PARD3B: variants seen among roughly 807,000 people sequenced by gnomAD.
The protein encoded by PARD3B is par-3 family cell polarity regulator beta, also known as partitioning defective 3 homolog B.
In PARD3B, 103 loss-of-function variants were observed where a neutral mutation model predicts 130.2. The ratio of observed to expected loss-of-function variants is 0.79; its 90% confidence interval spans 0.67 to 0.93. PARD3B has a LOEUF of 0.93. PARD3B is among the 40% of genes least tolerant of loss of function. The pLI is 0.00. For missense variants in PARD3B, 1,609 were observed against 1,499.2 expected (o/e 1.07, Z -1.21); for synonymous variants, 583 against 553.2 (o/e 1.05, Z -0.76).
Position 205,493,461 on chromosome 2 carries a change from T to C in PARD3B, c.3045-6435T>C, listed in dbSNP as rs990285681. ...TTGAAATTCCACCCTTTTGTGAGTA[T>C]ACAAAAATTAACACCATACTTACAT... On this transcript the variant is annotated intron_variant, in intron 20 of 22. Coordinates refer to ENST00000406610, the MANE Select transcript of PARD3B (RefSeq NM_001302769.2). Among the ~76,000 whole-genome samples the C allele has an allele frequency of 5.9e-5, 9 of 152,206 alleles. No homozygotes were observed. In the East Asian group the frequency reaches 7.7e-4, roughly 13 times the overall value.
chr2:205,339,198 C>G (rs186205871), intron 18 of PARD3B, among the ~76,000 whole-genome samples: 1 of 151,698 alleles, frequency 6.6e-6, no homozygotes, highest in East Asian at 1.9e-4. Context: ...TATCTTAAGT[C>G]AAATATTAGT....
intron 18 of PARD3B, among the ~76,000 whole-genome samples, chr2:205,308,768 G>C (rs1168059203): frequency 6.6e-6 from 1 of 152,144 alleles, no homozygotes. Flanking sequence ...GGGAATCAAT[G>C]GTCAATTTAC....
chr2:204,877,945 C>G (rs74475300), intron 2 of PARD3B, among the ~76,000 whole-genome samples: 3,104 of 152,210 alleles, frequency 0.02, 72 homozygotes, highest in East Asian at 0.11. Context: ...CAGACTGAAC[C>G]TATTAAATTA....
At chr2:204,564,606 T>C (rs1296467840) in intron 1 of PARD3B, among the ~76,000 whole-genome samples, 1 of 152,194 alleles carries the variant, frequency 6.6e-6, no homozygotes, top group African/African-American at 2.4e-5. Context: ...AAATACTTAT[T>C]TTTAGGAAAA....
intron 20 of PARD3B, among the ~76,000 whole-genome samples, chr2:205,456,800 G>A (rs536998547): frequency 6.8e-6 from 1 of 147,780 alleles, no homozygotes; most frequent in African/African-American, 2.5e-5. Flanking sequence ...GTCATAGTAT[G>A]TAACTATTTT....
intron 1 of PARD3B, among the ~76,000 whole-genome samples, chr2:204,587,686 C>G (rs764114996): frequency 1.4e-4 from 21 of 152,130 alleles, no homozygotes; most frequent in Non-Finnish European, 2.5e-4. Flanking sequence ...TCTGTACCAT[C>G]TTGATTGGTT....
intron 10 of PARD3B, among the ~76,000 whole-genome samples, chr2:205,133,486 C>A (rs1212884625): frequency 6.6e-6 from 1 of 152,072 alleles, no homozygotes; most frequent in Non-Finnish European, 1.5e-5. Context: ...TTGTAACAAG[C>A]CTTCCAGATA....
At chr2:205,595,401 C>G (rs1245720379) in intron 22 of PARD3B, among the ~76,000 whole-genome samples, 1 of 152,286 alleles carries the variant, frequency 6.6e-6, no homozygotes, top group Admixed American at 6.5e-5. Flanking sequence ...TGGGTAATGG[C>G]TCTTTAGTTT....
At chr2:204,869,740 A>G (rs2045562825) in intron 2 of PARD3B, among the ~76,000 whole-genome samples, 1 of 152,116 alleles carries the variant, frequency 6.6e-6, no homozygotes, top group African/African-American at 2.4e-5. Flanking sequence ...AAGAATACTG[A>G]AAACAGGAAA....
intron 20 of PARD3B, among the ~76,000 whole-genome samples, chr2:205,451,246 C>T (rs1237390534): frequency 6.6e-6 from 1 of 152,152 alleles, no homozygotes; most frequent in Non-Finnish European, 1.5e-5. Context: ...GAGAAAGGGG[C>T]AAATGGCCAA....
intron 1 of PARD3B, among the ~76,000 whole-genome samples, chr2:204,559,868 G>A (rs1485041800): frequency 2.0e-5 from 3 of 152,168 alleles, no homozygotes; most frequent in African/African-American, 4.8e-5. Flanking sequence ...GTAAAAAAGG[G>A]TGAGTTCCTA....
intron 6 of PARD3B, among the ~76,000 whole-genome samples, chr2:205,115,521 A>G (rs1011908432): frequency 1.3e-5 from 2 of 152,204 alleles, no homozygotes; most frequent in Admixed American, 6.5e-5. Flanking sequence ...TAGTTTTATT[A>G]TAAGTTCATG....
In PARD3B at chr2:205,146,942, C is replaced by G. The variant is rs980219441; in HGVS notation, c.1435-11780C>G. Among the ~76,000 whole-genome samples, 1 of 152,006 alleles carries G rather than the reference C, an allele frequency of 6.6e-6. No individual in the cohort carries two copies. Among genetic ancestry groups the G allele is most frequent in the Non-Finnish European group, 1.5e-5 (1 of 68,016 alleles). ...TGTTGGCCAGGCTGGTCTCGAACTCCTGACCTCAAGTGTTCTGCCTGCCTT... is the reference window on the plus strand; with the variant it reads ...TGTTGGCCAGGCTGGTCTCGAACTCGTGACCTCAAGTGTTCTGCCTGCCTT... On this transcript the variant is annotated intron_variant, in intron 10 of 22. Coordinates refer to ENST00000406610, the MANE Select transcript of PARD3B (RefSeq NM_001302769.2). This position sits in a 1 kb window ranked among gnomAD's most constrained non-coding sequence, Gnocchi z 4.3.
intron 10 of PARD3B, among the ~76,000 whole-genome samples, chr2:205,156,878 C>T (rs2034205558): frequency 6.6e-6 from 1 of 152,138 alleles, no homozygotes. Context: ...TATTTTGCTT[C>T]TACCACTTAA....
At chr2:204,576,853 A>G (rs1169472750) in intron 1 of PARD3B, among the ~76,000 whole-genome samples, 5 of 152,186 alleles carry the variant, frequency 3.3e-5, no homozygotes, top group South Asian at 2.1e-4. Context: ...CATAACAACA[A>G]TATGGAATAC....
chr2:205,221,322 A>G (rs2038226359), intron 15 of PARD3B, among the ~76,000 whole-genome samples: 1 of 152,172 alleles, frequency 6.6e-6, no homozygotes, highest in Non-Finnish European at 1.5e-5. Context: ...ATGGTGCCCG[A>G]TGTACCACCG....
In PARD3B at chr2:205,341,330, G is replaced by A. The variant is rs1337129084; in HGVS notation, c.2630+39629G>A. On this transcript the variant is annotated intron_variant, in intron 18 of 22. Coordinates refer to ENST00000406610, the MANE Select transcript of PARD3B (RefSeq NM_001302769.2). The surrounding 1 kb of genome is among the most constrained non-coding windows in gnomAD (Gnocchi z 4.3). ...TCACTGTTCACAATAGCTAAGATAT[G>A]GAATCAACCAAAATGTCCATTAACA... Among the ~76,000 whole-genome samples, 1 of 151,918 alleles carries A rather than the reference G, an allele frequency of 6.6e-6. No homozygotes were observed. Among genetic ancestry groups the A allele is most frequent in the Admixed American group, 6.6e-5 (1 of 15,236 alleles).
At chr2:205,214,106 A>G (rs902436298) in intron 15 of PARD3B, among the ~76,000 whole-genome samples, 1 of 151,964 alleles carries the variant, frequency 6.6e-6, no homozygotes, top group Non-Finnish European at 1.5e-5. Context: ...TTTAATCTCA[A>G]GAAGTATGTG....
chr2:205,427,818 A>C (rs1055579796), intron 19 of PARD3B, among the ~76,000 whole-genome samples: 9 of 152,240 alleles, frequency 5.9e-5, no homozygotes, highest in Non-Finnish European at 1.3e-4. Flanking sequence ...CAGGAAAAAG[A>C]ATTACTTCAA....
Sources: gnomAD v4.1 joint callset for allele counts (sites outside exome capture counted in the v4.1 genomes callset) on GRCh38, gnomAD v4.1.1 for gene constraint, Gnocchi (gnomAD v3.1) non-coding constraint, MANE v1.5 for transcripts, NCBI Gene and HGNC (gene_info 2026-07-23, HGNC 2026-07-21) for gene names.